Variants in ELP2 observed in about 807,000 individuals in gnomAD.
ELP2 encodes the protein elongator acetyltransferase complex subunit 2.
ELP2 carries 90 observed loss-of-function variants against 119.2 expected under a neutral mutation model. The observed-to-expected ratio is 0.75, with a 90% confidence interval of 0.64 to 0.90. The LOEUF (loss-of-function observed/expected upper bound fraction) is 0.90. Among genes scored for constraint, ELP2 ranks in the 40% least tolerant of loss-of-function variants. ELP2 has a pLI of 0.00. For synonymous variants in ELP2, 339 were observed against 331.0 expected (o/e 1.02, Z -0.26); for missense variants, 921 against 967.8 (o/e 0.95, Z 0.64).
chr18:36,166,506 A>G (rs1415594053), intron 18 of ELP2, among the ~76,000 whole-genome samples: 1 of 150,714 alleles, frequency 6.6e-6, no homozygotes, highest in Non-Finnish European at 1.5e-5. Flanking sequence ...AATTTTTTGT[A>G]TTTTTAGTAG....
intron 11 of ELP2, among the ~76,000 whole-genome samples, chr18:36,151,908 C>T (rs950035501): frequency 6.6e-5 from 10 of 151,656 alleles, no homozygotes; most frequent in Non-Finnish European, 1.3e-4. Flanking sequence ...CCACCATGCC[C>T]GGCTAATTTT....
rs2091306936 is a variant in ELP2, at chr18:36,180,335, A to G, written c.*5694A>G. The G allele has an allele frequency of 1.3e-5, 2 of 152,240 alleles. No homozygotes were observed. The highest frequency in any genetic ancestry group is 1.3e-4 in the Admixed American group (2 of 15,286). The allele number at this position is 152,240 out of a possible 1,614,324, so 9.4% of individuals were successfully genotyped here. On this transcript the variant is annotated 3_prime_UTR_variant, in exon 22 of 22. Transcript: ENST00000358232. ...ACCGAGCTTCAGGAGAAGCTGGGAA[A>G]TTAAATCTTTATTGCAGATGCCCAT...
At chr18:36,164,743 TAAGAG>T in intron 18 of ELP2, 76 bp downstream of exon 18, 2 of 1,407,362 alleles carry the variant, frequency 1.4e-6, no homozygotes, top group Middle Eastern at 2.2e-4. Context: ...CAGCTTTAGT[TAAGAG>T]AAAGATAACA....
Position 36,174,918 on chromosome 18 carries a change from C to G in ELP2, c.*277C>G. 2.7e-6 allele frequency: 1 copy of G among 371,054 alleles called. No homozygotes were observed. Among genetic ancestry groups the G allele is most frequent in the South Asian group, 2.5e-5 (1 of 40,114 alleles). 23.0% of individuals were successfully genotyped at this position (371,054 alleles called of 1,614,324 possible). A position where few individuals can be genotyped will look rare whatever the true frequency, so the allele number is the denominator to read the frequency against. On this transcript the variant is annotated 3_prime_UTR_variant, in exon 22 of 22. Coordinates refer to ENST00000358232, the MANE Select transcript of ELP2 (RefSeq NM_018255.4). ...CCGTTGGCCAGGCGGGTCTCAAACT[C>G]CTCGTCTCAGGTGATCTGCTTGCCT...
In ELP2 at chr18:36,142,829, G is replaced by A; in HGVS notation, c.659G>A (p.Arg220Lys). 1 of 1,597,126 alleles carries A rather than the reference G, an allele frequency of 6.3e-7. No homozygotes were observed. Among genetic ancestry groups the A allele is most frequent in the Non-Finnish European group, 8.6e-7 (1 of 1,167,370 alleles). ...IRGVEWAAFG[R>K]DLFLASCSQD... ...ATACAACTTATTTTTTAATTAGGTAGAGATCTTTTCCTAGCAAGCTGTTCA... is the reference window on the plus strand; with the variant it reads ...ATACAACTTATTTTTTAATTAGGTAAAGATCTTTTCCTAGCAAGCTGTTCA... Residue 220 changes from arginine to lysine, a missense_variant, in exon 8 of 22, where the codon AGA becomes AAA. Coordinates refer to ENST00000358232, the MANE Select transcript of ELP2 (RefSeq NM_018255.4).
chr18:36,150,622 G>T (rs1242868611), intron 11 of ELP2, among the ~76,000 whole-genome samples: 8 of 152,342 alleles, frequency 5.3e-5, no homozygotes, highest in East Asian at 1.9e-4. Flanking sequence ...TTCACAGAGG[G>T]TGATGAAGTG....
At chr18:36,141,224 G>A in intron 6 of ELP2, 23 bp downstream of exon 6, 1 of 1,565,264 alleles carries the variant, frequency 6.4e-7, no homozygotes, top group Non-Finnish European at 8.8e-7. Context: ...ATATTAAGAG[G>A]CTGGAATTAT....
At chr18:36,130,814 A>G (rs931024760) in intron 1 of ELP2, among the ~76,000 whole-genome samples, 36 of 152,354 alleles carry the variant, frequency 2.4e-4, no homozygotes, top group African/African-American at 8.4e-4. Flanking sequence ...GAAAATTCAA[A>G]TACAACGCAG....
rs766780333 is a variant in ELP2 at position 36,129,984 on chromosome 18, G to A, written c.51G>A (p.Arg17=). The A allele has an allele frequency of 6.2e-7, 1 of 1,614,210 alleles. No homozygotes were observed. Among genetic ancestry groups the A allele is most frequent in the East Asian group, 2.2e-5 (1 of 44,890 alleles). ...CTCACGTGTTTTGCTGCCCAAACCGGGTGCGGGGAGTCCTGAACTGGAGCT... is the reference window on the plus strand; with the variant it reads ...CTCACGTGTTTTGCTGCCCAAACCGAGTGCGGGGAGTCCTGAACTGGAGCT... ...ETSHVFCCPN[R]VRGVLNWSSG... Residue 17 remains arginine (R), a synonymous_variant, in exon 1 of 22, where the codon CGG becomes CGA. Transcript: ENST00000358232.
At chr18:36,131,676 G>T (rs1268307076) in intron 1 of ELP2, among the ~76,000 whole-genome samples, 1 of 152,204 alleles carries the variant, frequency 6.6e-6, no homozygotes, top group African/African-American at 2.4e-5. Flanking sequence ...GGACAAACTT[G>T]CCGCTATATC....
intron 19 of ELP2, among the ~76,000 whole-genome samples, 175 bp downstream of exon 19, chr18:36,167,397 C>G (rs2090940777): frequency 6.6e-6 from 1 of 151,912 alleles, no homozygotes; most frequent in Non-Finnish European, 1.5e-5. Flanking sequence ...TTGTTAAATT[C>G]TATAAGTAAA....
chr18:36,162,579 A>G (rs56108742), intron 17 of ELP2, among the ~76,000 whole-genome samples: 1,806 of 152,264 alleles, frequency 0.012, 43 homozygotes, highest in African/African-American at 0.04. Flanking sequence ...TCTTGAGTAC[A>G]TATCTGTGAG....
intron 14 of ELP2, among the ~76,000 whole-genome samples, chr18:36,159,247 G>A (rs1291999225): frequency 1.3e-5 from 2 of 151,964 alleles, no homozygotes; most frequent in Non-Finnish European, 2.9e-5. Context: ...CAAATAGCTG[G>A]GACTACAGGC....
Position 36,159,056 on chromosome 18 carries a change from CTT to C in ELP2, c.1534+154_1534+155del, listed in dbSNP as rs1307048783. ...TATCACCTATTTCGTGATAAGTACT[CTT>C]TGTACACACTCAGACCACTGAAGTA... On this transcript the variant is annotated intron_variant, in intron 14 of 21. Transcript: ENST00000358232. 6.2e-6 allele frequency: 4 copies of C among 645,454 alleles called. No homozygotes were observed. In the African/African-American group the frequency reaches 7.4e-5, roughly 12 times the overall value. 40.0% of individuals were successfully genotyped at this position (645,454 alleles called of 1,614,324 possible).
chr18:36,142,273 C>G lies in ELP2; in HGVS notation c.589-8C>G. ...TTACATCAAGCCCAATGATTTTTAT[C>G]TTACTAGTTTCAGAAAGTGCTTTCT... On this transcript the variant is annotated splice_region_variant and splice_polypyrimidine_tract_variant and intron_variant, in intron 6 of 21. Transcript: ENST00000358232. The G allele has an allele frequency of 1.2e-6, 2 of 1,612,072 alleles. No homozygotes were observed. Among genetic ancestry groups the G allele is most frequent in the Middle Eastern group, 1.7e-4 (1 of 6,050 alleles).
chr18:36,138,160 T>A, intron 3 of ELP2, 110 bp from the exon 4 acceptor site: 1 of 1,102,920 alleles, frequency 9.1e-7, no homozygotes, highest in Admixed American at 2.0e-5. Context: ...TCTTTTCAAC[T>A]TAGAGGACCT....
rs939091752 is a variant in ELP2, at chr18:36,136,383, T to G, written c.288+6T>G. The G allele has an allele frequency of 3.1e-6, 5 of 1,596,486 alleles. No individual in the cohort carries two copies. In the African/African-American group the frequency reaches 6.7e-5, roughly 21 times the overall value. On this transcript the variant is annotated splice_donor_region_variant and intron_variant, in intron 3 of 21. Transcript: ENST00000358232. ...GGGAAATAGAGGATAATCAGGTGAG[T>G]GGACATGTTTATAATCAAGAAATGA...
intron 11 of ELP2, among the ~76,000 whole-genome samples, chr18:36,149,730 A>T (rs1243464631): frequency 6.6e-6 from 1 of 152,020 alleles, no homozygotes; most frequent in Non-Finnish European, 1.5e-5. Flanking sequence ...CAACAAGAAA[A>T]ACAAAAAATC....
At chr18:36,130,613 A>T (rs2089577790) in intron 1 of ELP2, among the ~76,000 whole-genome samples, 3 of 152,140 alleles carry the variant, frequency 2.0e-5, no homozygotes, top group Admixed American at 6.5e-5. Flanking sequence ...CACTGATTAT[A>T]AGGCGGGACT....
Sources: gnomAD v4.1 joint callset for allele counts (sites outside exome capture counted in the v4.1 genomes callset) on GRCh38, gnomAD v4.1.1 for gene constraint, MANE v1.5 for transcripts, NCBI Gene and HGNC (gene_info 2026-07-23, HGNC 2026-07-21) for gene names.